CNTNAP2: variants seen among roughly 807,000 people sequenced by gnomAD.
CNTNAP2 encodes contactin-associated protein-like 2.
In CNTNAP2, 98 loss-of-function variants were observed where a neutral mutation model predicts 155.2. The observed-to-expected ratio is 0.63, with a 90% CI of 0.54 to 0.75. CNTNAP2 has a LOEUF of 0.75. Ranked by LOEUF, CNTNAP2 falls within the 30% of genes least tolerant of loss-of-function variation. The pLI is 0.00. For synonymous variants in CNTNAP2, 651 were observed against 631.2 expected, an observed-to-expected ratio of 1.03 and a Z score of -0.47; for missense variants, 1,727 against 1,688.1, an observed-to-expected ratio of 1.02 and a Z score of -0.40.
rs201201325 is a variant in CNTNAP2 at position 147,905,913 on chromosome 7, AC to A, written c.2255+2193del. ...TCTCAAAAAACAAACAAACAAACAA[AC>A]AAAAAAAAACTGATGGAAGAAATTT... On this transcript the variant is annotated intron_variant, in intron 14 of 23. Coordinates refer to ENST00000361727, the MANE Select transcript of CNTNAP2 (RefSeq NM_014141.6). 1.1e-3 allele frequency among the ~76,000 whole-genome samples: 164 copies of A among 149,738 alleles called. 1 individual carries two copies. The highest frequency in any genetic ancestry group is 3.5e-3 in the Middle Eastern group (1 of 286).
chr7:146,784,741 A>G (rs564218439), intron 2 of CNTNAP2, among the ~76,000 whole-genome samples: 17 of 152,282 alleles, frequency 1.1e-4, no homozygotes, highest in African/African-American at 4.1e-4. Context: ...AAGAAAGATC[A>G]TAATTCCTTG....
chr7:146,273,210 C>T (rs1188753680), intron 1 of CNTNAP2, among the ~76,000 whole-genome samples: 8 of 148,234 alleles, frequency 5.4e-5, no homozygotes, highest in South Asian at 2.1e-4. Flanking sequence ...AAATGCGTCA[C>T]GTGCAAAAAA....
At chr7:148,082,714 C>T (rs898609351) in intron 15 of CNTNAP2, among the ~76,000 whole-genome samples, 1 of 152,100 alleles carries the variant, frequency 6.6e-6, no homozygotes, top group Non-Finnish European at 1.5e-5. Flanking sequence ...GAGTCTCACT[C>T]TGTCACCAGC....
At chr7:148,211,457 A>T (rs1795547613) in intron 18 of CNTNAP2, among the ~76,000 whole-genome samples, 1 of 152,262 alleles carries the variant, frequency 6.6e-6, no homozygotes. Context: ...TGGATAGAGC[A>T]CGTGCATGAG....
At chr7:147,493,072 A>C (rs1299016253) in intron 11 of CNTNAP2, among the ~76,000 whole-genome samples, 1 of 152,152 alleles carries the variant, frequency 6.6e-6, no homozygotes, top group Non-Finnish European at 1.5e-5. Context: ...GTTTCGAAAA[A>C]CAGCTAGTCA....
chr7:146,542,816 G>A (rs2693405), intron 1 of CNTNAP2, among the ~76,000 whole-genome samples: 126,409 of 151,914 alleles, frequency 0.83, 53,137 homozygotes, highest in South Asian at 0.91. Flanking sequence ...CATGTATTAA[G>A]TCAAACTTTC....
intron 13 of CNTNAP2, among the ~76,000 whole-genome samples, chr7:147,828,138 G>A (rs1168571002): frequency 2.6e-5 from 4 of 152,174 alleles, no homozygotes; most frequent in African/African-American, 2.4e-5. Context: ...TTTCAGATAT[G>A]AAGATGTGCT....
chr7:148,222,732 T>C (rs894827051), intron 19 of CNTNAP2, among the ~76,000 whole-genome samples: 1 of 152,204 alleles, frequency 6.6e-6, no homozygotes, highest in Non-Finnish European at 1.5e-5. Context: ...GGATCTTGTA[T>C]AATGTCTTTA....
rs148203553 is a variant in CNTNAP2 at position 147,953,913 on chromosome 7, G to C, written c.2256-23949G>C. ...TTGGATTAGGGCCCATCTTAATCAA[G>C]TATGACTTGATTACATCTGCAAAGG... On this transcript the variant is annotated intron_variant, in intron 14 of 23. Transcript: ENST00000361727. 3.4e-4 allele frequency among the ~76,000 whole-genome samples: 51 copies of C among 152,230 alleles called. 1 individual carries two copies. Among genetic ancestry groups the C allele is most frequent in the African/African-American group, 1.2e-3 (48 of 41,542 alleles).
At chr7:148,105,203 C>T (rs1053912958) in intron 15 of CNTNAP2, among the ~76,000 whole-genome samples, 4 of 152,148 alleles carry the variant, frequency 2.6e-5, no homozygotes, top group African/African-American at 7.2e-5. Context: ...TCCGGGGATA[C>T]GTCAGAAAGA....
At chr7:147,803,271 T>C (rs1307351846) in intron 13 of CNTNAP2, among the ~76,000 whole-genome samples, 1 of 152,144 alleles carries the variant, frequency 6.6e-6, no homozygotes, top group African/African-American at 2.4e-5. Context: ...CTGTGGATAG[T>C]CCAGTGTTTT....
At chr7:147,161,686 C>T (rs571335915) in intron 8 of CNTNAP2, 25 of 152,242 alleles carry the variant, frequency 1.6e-4, no homozygotes, top group African/African-American at 5.1e-4. Flanking sequence ...TTACTAGAAC[C>T]TCTGTTCACA....
chr7:146,577,112 T>C (rs559082844), intron 1 of CNTNAP2, among the ~76,000 whole-genome samples: 24 of 152,290 alleles, frequency 1.6e-4, no homozygotes, highest in African/African-American at 5.8e-4. Context: ...AAATTCTTAT[T>C]ACATTATTTT....
intron 4 of CNTNAP2, among the ~76,000 whole-genome samples, chr7:147,063,011 AG>A (rs1380398402): frequency 6.6e-6 from 1 of 152,186 alleles, no homozygotes; most frequent in African/African-American, 2.4e-5. Flanking sequence ...GGAGTCACGG[AG>A]CCAGAAAATG....
chr7:146,748,755 G>A (rs1585072105), intron 1 of CNTNAP2, among the ~76,000 whole-genome samples: 1 of 152,132 alleles, frequency 6.6e-6, no homozygotes, highest in Admixed American at 6.5e-5. Context: ...GTCAAACAGA[G>A]ATTAAATGGC....
chr7:147,382,898 A>G (rs537434464), intron 9 of CNTNAP2, among the ~76,000 whole-genome samples: 4 of 151,942 alleles, frequency 2.6e-5, no homozygotes, highest in Admixed American at 1.3e-4. Context: ...GCACCTTCTC[A>G]AACTTTTTAA....
chr7:147,925,290 GCGCACACACACA>G (rs1563137336), intron 14 of CNTNAP2, among the ~76,000 whole-genome samples: 1 of 68,938 alleles, frequency 1.5e-5, no homozygotes, highest in Non-Finnish European at 2.6e-5. Context: ...ACAAGCGCGC[GCGCACACACACA>G]CACACACACA....
intron 1 of CNTNAP2, among the ~76,000 whole-genome samples, chr7:146,263,475 G>T (rs928129832): frequency 4.6e-5 from 7 of 151,982 alleles, no homozygotes; most frequent in African/African-American, 1.2e-4. Context: ...TATAATCTTG[G>T]GTTTTTTTAT....
At position 146,554,970 on chromosome 7, in the gene CNTNAP2, C is replaced by T; in HGVS notation, c.98-219301C>T. Among the ~76,000 whole-genome samples the T allele has an allele frequency of 1.3e-5, 2 of 152,178 alleles. 1 individual carries two copies. The highest frequency in any genetic ancestry group is 3.8e-4 in the East Asian group (2 of 5,198). On this transcript the variant is annotated intron_variant, in intron 1 of 23. Coordinates refer to ENST00000361727, the MANE Select transcript of CNTNAP2 (RefSeq NM_014141.6). The stretch of plus-strand genomic sequence containing the variant: ...AGATCTACTTACGTATTATTTGTCC[C>T]ATTTTCCAAATAAAGAAAATGGGGT...
Sources: gnomAD v4.1 joint callset for allele counts (sites outside exome capture counted in the v4.1 genomes callset) on GRCh38, gnomAD v4.1.1 for gene constraint, MANE v1.5 for transcripts, NCBI Gene and HGNC (gene_info 2026-07-23, HGNC 2026-07-21) for gene names.